The following ARL15 variants were observed in gnomAD, a reference collection of about 807,000 sequenced individuals.
ARL15 encodes ARF like GTPase 15, also known as ADP-ribosylation factor-like protein 15.
Under a neutral mutation model 25.2 loss-of-function variants are expected in ARL15, and 19 were observed. That is an observed-to-expected ratio of 0.75 (90% CI 0.53 to 1.10). ARL15 has a LOEUF of 1.10. ARL15 is among the 50% of genes least tolerant of loss of function. ARL15 has a pLI of 0.00. For synonymous variants in ARL15, 94 were observed against 86.8 expected (o/e 1.08, Z -0.46); for missense variants, 220 against 246.0 (o/e 0.89, Z 0.71).
intron 1 of ARL15, among the ~76,000 whole-genome samples, chr5:54,218,690 A>G (rs184078280): frequency 2.4e-4 from 37 of 152,202 alleles, no homozygotes; most frequent in African/African-American, 7.9e-4. Flanking sequence ...AATTCTATAC[A>G]TACCAAAGAC....
chr5:54,222,779 T>C (rs1756412715), intron 1 of ARL15, among the ~76,000 whole-genome samples: 2 of 152,068 alleles, frequency 1.3e-5, no homozygotes, highest in Admixed American at 1.3e-4. Context: ...GGAAAACTCT[T>C]CCCCACACCT....
At chr5:54,302,244 T>C (rs1758632252) in intron 1 of ARL15, among the ~76,000 whole-genome samples, 1 of 152,134 alleles carries the variant, frequency 6.6e-6, no homozygotes, top group South Asian at 2.1e-4. Context: ...CTCTCAACAA[T>C]TATTAATTAT....
chr5:54,294,348 A>G (rs1459878555), intron 1 of ARL15, among the ~76,000 whole-genome samples: 1 of 152,248 alleles, frequency 6.6e-6, no homozygotes, highest in East Asian at 1.9e-4. Context: ...TCAGTAGTTG[A>G]AAGAAAGACA....
intron 1 of ARL15, among the ~76,000 whole-genome samples, chr5:54,306,428 C>T (rs1758757649): frequency 1.1e-5 from 1 of 91,932 alleles, no homozygotes; most frequent in Non-Finnish European, 2.4e-5. Flanking sequence ...CGGAGTCTCA[C>T]TCTGTCGCCC....
chr5:54,172,037 T>C, intron 1 of ARL15, 109 bp from the exon 2 acceptor site: 2 of 1,326,124 alleles, frequency 1.5e-6, no homozygotes, highest in Non-Finnish European at 2.0e-6. Flanking sequence ...GAATAAAGTA[T>C]TACCTATAAG....
rs550366545 is a variant in ARL15, at chr5:54,107,628, G to A, written c.462+5574C>T. The stretch of plus-strand genomic sequence containing the variant: ...GGAGAATGAGACTGTGAAAAGTCTA[G>A]ATGTGGAGAATAAAAAAGAGTACGA... On this transcript the variant is annotated intron_variant, in intron 4 of 4. Transcript: ENST00000504924. 4.6e-5 allele frequency among the ~76,000 whole-genome samples: 7 copies of A among 152,144 alleles called. No individual in the cohort carries two copies. The South Asian group carries it at 1.5e-3, about 32-fold the overall frequency.
chr5:53,921,886 A>G (rs904335789), intron 4 of ARL15, among the ~76,000 whole-genome samples: 2 of 152,252 alleles, frequency 1.3e-5, no homozygotes, highest in African/African-American at 2.4e-5. Flanking sequence ...TTGATTCTCA[A>G]CACTGAGCTA....
At position 54,071,488 on chromosome 5, in the gene ARL15, GCT is replaced by G. The variant is rs1346540744; in HGVS notation, c.462+41712_462+41713del. On this transcript the variant is annotated intron_variant, in intron 4 of 4. Coordinates refer to ENST00000504924, the MANE Select transcript of ARL15 (RefSeq NM_019087.3). ...TCAGATTTTTTTTTCAAGTATAGATGCTCTCTCTCTTCCACCGCCTTTCCCCC... is the reference window on the plus strand; with the variant it reads ...TCAGATTTTTTTTTCAAGTATAGATGCTCTCTCTTCCACCGCCTTTCCCCC... Among the ~76,000 whole-genome samples the G allele has an allele frequency of 3.1e-5, 4 of 129,954 alleles. No individual in the cohort carries two copies. The South Asian group carries it at 1.1e-3, about 34-fold the overall frequency. 85.3% of individuals were successfully genotyped at this position (129,954 alleles called of 152,430 possible). A position where few individuals can be genotyped will look rare whatever the true frequency, so the allele number is the denominator to read the frequency against.
intron 4 of ARL15, among the ~76,000 whole-genome samples, chr5:53,942,943 T>C (rs901509908): frequency 2.6e-5 from 4 of 151,890 alleles, no homozygotes; most frequent in African/African-American, 9.7e-5. Flanking sequence ...GTGGATTGCG[T>C]AGTAGTTGAG....
chr5:54,038,435 CAT>C (rs569659905), intron 4 of ARL15, among the ~76,000 whole-genome samples: 2 of 152,036 alleles, frequency 1.3e-5, no homozygotes, highest in South Asian at 4.2e-4. Context: ...ATTGTTAAAA[CAT>C]ATATAAAATC....
At chr5:54,191,383 T>C (rs560827303) in intron 1 of ARL15, among the ~76,000 whole-genome samples, 1 of 152,292 alleles carries the variant, frequency 6.6e-6, no homozygotes, top group Admixed American at 6.5e-5. Flanking sequence ...TATGAAGATG[T>C]ATGCTGGTGA....
chr5:54,215,871 T>C (rs527465320), intron 1 of ARL15, among the ~76,000 whole-genome samples: 1 of 152,272 alleles, frequency 6.6e-6, no homozygotes, highest in African/African-American at 2.4e-5. Context: ...CATTACATTA[T>C]ATTGGTCTGA....
At chr5:54,003,945 A>C (rs527251844) in intron 4 of ARL15, among the ~76,000 whole-genome samples, 1 of 152,312 alleles carries the variant, frequency 6.6e-6, no homozygotes, top group South Asian at 2.1e-4. Context: ...TATTAAAAGG[A>C]ATCTTTAACA....
At chr5:53,925,674 G>T (rs896207218) in intron 4 of ARL15, among the ~76,000 whole-genome samples, 12 of 152,082 alleles carry the variant, frequency 7.9e-5, no homozygotes, top group Admixed American at 6.5e-5. Flanking sequence ...TGGGCATGGT[G>T]GCATGTGCCT....
intron 2 of ARL15, among the ~76,000 whole-genome samples, chr5:54,166,231 G>A (rs190815339): frequency 6.6e-6 from 1 of 151,816 alleles, no homozygotes; most frequent in East Asian, 1.9e-4. Flanking sequence ...CTCTCTCTCT[G>A]TCACCCAGGT....
intron 1 of ARL15, among the ~76,000 whole-genome samples, chr5:54,294,154 TAC>T (rs1419489246): frequency 1.3e-5 from 2 of 152,340 alleles, no homozygotes; most frequent in Non-Finnish European, 2.9e-5. Context: ...TATCATGCAA[TAC>T]TGCCTCTCTT....
chr5:54,245,355 A>T (rs943502674), intron 1 of ARL15, among the ~76,000 whole-genome samples: 1 of 152,236 alleles, frequency 6.6e-6, no homozygotes, highest in Non-Finnish European at 1.5e-5. Flanking sequence ...GAAAACTTTT[A>T]AAAACTTCTT....
intron 4 of ARL15, among the ~76,000 whole-genome samples, chr5:53,997,221 T>C (rs952447980): frequency 1.1e-4 from 16 of 152,192 alleles, no homozygotes; most frequent in African/African-American, 3.9e-4. Context: ...TCTTCTTCTT[T>C]ATGTCCTGAG....
At chr5:53,892,992 G>A (rs891657825) in intron 4 of ARL15, among the ~76,000 whole-genome samples, 3 of 152,096 alleles carry the variant, frequency 2.0e-5, no homozygotes, top group Non-Finnish European at 2.9e-5. Flanking sequence ...GCAAAATTTC[G>A]TAGGACCTTT....
Sources: allele counts gnomAD v4.1 joint callset (sites outside exome capture counted in the v4.1 genomes callset), GRCh38; gene constraint gnomAD v4.1.1; transcripts MANE v1.5; gene names NCBI Gene and HGNC (gene_info 2026-07-23, HGNC 2026-07-21).